ULK4: variants seen among roughly 807,000 people sequenced by gnomAD.
ULK4 encodes the protein inactive serine/threonine-protein kinase ULK4.
In ULK4, 133 loss-of-function variants were observed where a neutral mutation model predicts 160.6. That is an observed-to-expected ratio of 0.83 (90% CI 0.72 to 0.96). The LOEUF (loss-of-function observed/expected upper bound fraction) is 0.96. Ranked by LOEUF, ULK4 falls within the 40% of genes least tolerant of loss-of-function variation. ULK4 has a pLI of 0.00. For synonymous variants in ULK4, 534 were observed against 539.8 expected (o/e 0.99, Z 0.15); for missense variants, 1,580 against 1,499.5 (o/e 1.05, Z -0.89).
chr3:41,352,153 C>T (rs2080923728), intron 35 of ULK4, among the ~76,000 whole-genome samples: 1 of 152,180 alleles, frequency 6.6e-6, no homozygotes, highest in Admixed American at 6.5e-5. Flanking sequence ...TGCTATCTGG[C>T]CATGGCCTCA....
At position 41,542,890 on chromosome 3, in the gene ULK4, AG is replaced by A. The variant is rs1171735227; in HGVS notation, c.3226+23134del. Among the ~76,000 whole-genome samples the A allele has an allele frequency of 3.3e-5, 5 of 152,240 alleles. No homozygotes were observed. The East Asian group carries it at 7.7e-4, about 24-fold the overall frequency. On this transcript the variant is annotated intron_variant, in intron 32 of 36. Transcript: ENST00000301831. ...TCATTAGATGCAACTCCAGCTTGAT[AG>A]GGACAATTCTTTTCAGCATGCAAAG... is the stretch of plus-strand genomic sequence containing the variant.
Position 41,789,698 on chromosome 3 carries a change from G to A in ULK4, c.2156C>T (p.Ser719Phe). 1 of 1,608,118 alleles carries A rather than the reference G, an allele frequency of 6.2e-7. No homozygotes were observed. The highest frequency in any genetic ancestry group is 1.7e-5 in the Admixed American group (1 of 59,040). ...TAGTCTTTGAAGATGAATCCCACAG[G>A]ACAACATGGCAGCGAATAAGGTCAA... Reference protein sequence around the residue: ...YMLTLFAAMLSCGIHLQRLIQ... With the variant: ...YMLTLFAAMLFCGIHLQRLIQ... Residue 719 changes from serine to phenylalanine, a missense_variant, in exon 21 of 37, where the codon TCC (serine) becomes TTC (phenylalanine). Transcript: ENST00000301831.
intron 30 of ULK4, among the ~76,000 whole-genome samples, chr3:41,643,557 GT>G (rs1313704029): frequency 6.6e-6 from 1 of 152,162 alleles, no homozygotes; most frequent in Non-Finnish European, 1.5e-5. Context: ...CTATATCTCT[GT>G]TTTGGTACCA....
chr3:41,642,606 C>T (rs1006941542), intron 30 of ULK4, among the ~76,000 whole-genome samples: 7 of 152,154 alleles, frequency 4.6e-5, no homozygotes, highest in African/African-American at 1.7e-4. Flanking sequence ...ACATTTGGAT[C>T]AGTTCTAAGT....
At chr3:41,662,024 A>C (rs1344517577) in intron 30 of ULK4, among the ~76,000 whole-genome samples, 1 of 152,188 alleles carries the variant, frequency 6.6e-6, no homozygotes, top group South Asian at 2.1e-4. Flanking sequence ...CAATCTGTTC[A>C]ATCTAATGAA....
intron 34 of ULK4, among the ~76,000 whole-genome samples, chr3:41,425,231 G>A (rs1378114524): frequency 6.6e-6 from 1 of 151,948 alleles, no homozygotes; most frequent in Non-Finnish European, 1.5e-5. Context: ...AATAAGACAG[G>A]CAGACAAGAT....
chr3:41,360,295 G>T lies in ULK4; in HGVS notation c.3678+37784C>A, dbSNP rs2081116207. ...TGCTGGTGAGGTTGTGGAGAAAAAG[G>T]AATGCTTTTATACCGTTGGTGGGAG... is the stretch of plus-strand genomic sequence containing the variant. On this transcript the variant is annotated intron_variant, in intron 35 of 36. Coordinates refer to ENST00000301831, the MANE Select transcript of ULK4 (RefSeq NM_017886.4). Among the ~76,000 whole-genome samples the T allele has an allele frequency of 1.3e-5, 2 of 152,184 alleles. 1 individual carries two copies. The highest frequency in any genetic ancestry group is 4.1e-4 in the South Asian group (2 of 4,822).
Position 41,896,943 on chromosome 3 carries a change from G to C in ULK4, c.1409C>G (p.Ser470Trp), listed in dbSNP as rs767374190. 6.8e-6 allele frequency: 11 copies of C among 1,613,380 alleles called. No homozygotes were observed. In the East Asian group the frequency reaches 2.5e-4, roughly 36 times the overall value. The change falls in exon 15 of 37, where the codon TCG becomes TGG. Residue 470 changes from serine (S) to tryptophan (W), a missense_variant. Transcript: ENST00000301831. ...DWNDFLQQVCSQIDSTEKSMG... is the reference protein window; with the variant it reads ...DWNDFLQQVCWQIDSTEKSMG... ...GCTCTTCTCAGTGGAGTCGATCTGC[G>C]AGCACACTTGTTGCAAAAAGTCATT...
At chr3:41,393,126 C>G (rs1015331300) in intron 35 of ULK4, among the ~76,000 whole-genome samples, 74 of 152,256 alleles carry the variant, frequency 4.9e-4, no homozygotes, top group African/African-American at 1.7e-3. Context: ...CACGAGCTCC[C>G]AATATGGACT....
intron 22 of ULK4, among the ~76,000 whole-genome samples, chr3:41,732,952 G>A (rs2037882722): frequency 6.6e-6 from 1 of 152,108 alleles, no homozygotes; most frequent in Non-Finnish European, 1.5e-5. Flanking sequence ...ATTCTGGGGA[G>A]GCTAAGGGCA....
At position 41,777,324 on chromosome 3, in the gene ULK4, T is replaced by C. The variant is rs1477278893; in HGVS notation, c.2193+12337A>G. On this transcript the variant is annotated intron_variant, in intron 21 of 36. Transcript: ENST00000301831. Reference sequence around the variant, plus strand: ...TGATTCTTCTCTCTTTTTTTCTTTATTAGTCTTGCTAGTGGTCTATCAATT... The same window carrying C: ...TGATTCTTCTCTCTTTTTTTCTTTACTAGTCTTGCTAGTGGTCTATCAATT... 2.0e-3 allele frequency among the ~76,000 whole-genome samples: 146 copies of C among 72,332 alleles called. 7 individuals are homozygous for C. The highest frequency in any genetic ancestry group is 0.015 in the African/African-American group (132 of 8,696). 47.5% of individuals were successfully genotyped at this position (72,332 alleles called of 152,430 possible). A position where few individuals can be genotyped will look rare whatever the true frequency, so the allele number is the denominator to read the frequency against.
intron 34 of ULK4, among the ~76,000 whole-genome samples, chr3:41,448,797 T>C (rs2083362873): frequency 1.3e-5 from 2 of 152,178 alleles, no homozygotes; most frequent in Admixed American, 6.5e-5. Flanking sequence ...AAGACAAGAA[T>C]GATGTCCACG....
intron 32 of ULK4, among the ~76,000 whole-genome samples, chr3:41,473,623 C>T (rs1264236687): frequency 6.2e-5 from 8 of 129,672 alleles, no homozygotes; most frequent in East Asian, 2.3e-4. Flanking sequence ...GATCGCACCA[C>T]GGCACTCCAG....
At chr3:41,325,063 G>A (rs1446116089) in intron 35 of ULK4, among the ~76,000 whole-genome samples, 1 of 152,094 alleles carries the variant, frequency 6.6e-6, no homozygotes, top group Non-Finnish European at 1.5e-5. Context: ...CTGTTACGGT[G>A]GTGAGAATGT....
intron 2 of ULK4, among the ~76,000 whole-genome samples, chr3:41,953,428 G>A (rs569590217): frequency 1.2e-4 from 18 of 151,174 alleles, no homozygotes; most frequent in Admixed American, 5.3e-4. Flanking sequence ...TCAGCCTCCT[G>A]AGTAGCTGGA....
chr3:41,909,949 C>T (rs376437641), intron 11 of ULK4, among the ~76,000 whole-genome samples: 122 of 152,042 alleles, frequency 8.0e-4, no homozygotes, highest in African/African-American at 2.7e-3. Context: ...CAGGCTGGAG[C>T]GCGATGGCGC....
At chr3:41,896,793 A>G (rs1698174217) in intron 15 of ULK4, 29 bp downstream of exon 15, 1 of 1,555,288 alleles carries the variant, frequency 6.4e-7, no homozygotes, top group Admixed American at 2.1e-5. Context: ...CACAAATTAA[A>G]ATGCATAAGG....
At position 41,935,835 on chromosome 3, in the gene ULK4, A is replaced by G; in HGVS notation, c.344T>C (p.Leu115Pro). The change falls in exon 4 of 37, where the codon CTT becomes CCT. Residue 115 changes from leucine to proline, a missense_variant. Physicochemically the swap from Leu to Pro is moderately conservative, Grantham distance 98. Coordinates refer to ENST00000301831, the MANE Select transcript of ULK4 (RefSeq NM_017886.4). Reference protein sequence around the residue: ...LISGLHHLHKLGILFCDISPR... With the variant: ...LISGLHHLHKPGILFCDISPR... ...AGAAATGTCACAAAAGAGAATGCCA[A>G]GTTTATGAAGATGATGTAATCCACT... 6.2e-7 allele frequency: 1 copy of G among 1,612,660 alleles called. No individual in the cohort carries two copies. Among genetic ancestry groups the G allele is most frequent in the Middle Eastern group, 1.7e-4 (1 of 6,056 alleles).
At chr3:41,776,681 A>C (rs2039641126) in intron 21 of ULK4, among the ~76,000 whole-genome samples, 1 of 111,410 alleles carries the variant, frequency 9.0e-6, no homozygotes, top group Non-Finnish European at 2.0e-5. Flanking sequence ...TGAGATAATC[A>C]TGTGGTTTTT....
Sources: gnomAD v4.1 joint callset for allele counts (sites outside exome capture counted in the v4.1 genomes callset) on GRCh38, gnomAD v4.1.1 for gene constraint, MANE v1.5 for transcripts, NCBI Gene and HGNC (gene_info 2026-07-23, HGNC 2026-07-21) for gene names.